KIAA0319: variants seen among roughly 807,000 people sequenced by gnomAD.
KIAA0319 encodes the protein dyslexia-associated protein KIAA0319.
Under a neutral mutation model 108.4 loss-of-function variants are expected in KIAA0319, and 83 were observed. That is an observed-to-expected ratio of 0.77 (90% CI 0.64 to 0.92). The LOEUF (loss-of-function observed/expected upper bound fraction) is 0.92, where lower values mean the gene tolerates loss of function less well. Among genes scored for constraint, KIAA0319 ranks in the 40% least tolerant of loss-of-function variants. The pLI, the probability that KIAA0319 is intolerant of heterozygous loss-of-function variation, is 0.00. For missense variants in KIAA0319, 1,195 were observed against 1,322.4 expected, an observed-to-expected ratio of 0.90 and a Z score of 1.49; for synonymous variants, 484 against 510.4, an observed-to-expected ratio of 0.95 and a Z score of 0.70.
chr6:24,605,061 G>A (rs1043740275), intron 1 of KIAA0319, among the ~76,000 whole-genome samples: 8 of 151,782 alleles, frequency 5.3e-5, no homozygotes, highest in African/African-American at 1.9e-4. Context: ...GGCTGGTCTC[G>A]ATCTCCTGAC....
At position 24,643,558 on chromosome 6, in the gene KIAA0319, T is replaced by C. The variant is rs559474254; in HGVS notation, c.-106+2178A>G. ...CATGATTTTATGATTTTGATTATTA[T>C]ATTTATTATTGTTGCTGTTATAAAG... On this transcript the variant is annotated intron_variant, in intron 1 of 20. Coordinates refer to ENST00000378214, the MANE Select transcript of KIAA0319 (RefSeq NM_014809.4). Among the ~76,000 whole-genome samples the C allele has an allele frequency of 2.6e-5, 4 of 152,344 alleles. No individual in the cohort carries two copies. The East Asian group carries it at 7.7e-4, about 29-fold the overall frequency.
chr6:24,598,742 G>C (rs1250615369), intron 2 of KIAA0319, among the ~76,000 whole-genome samples: 1 of 152,118 alleles, frequency 6.6e-6, no homozygotes, highest in Non-Finnish European at 1.5e-5. Flanking sequence ...TGAGCATAGT[G>C]GTGGGTGCCT....
At chr6:24,642,722 A>ATT (rs34139616) in intron 1 of KIAA0319, among the ~76,000 whole-genome samples, 2 of 148,840 alleles carry the variant, frequency 1.3e-5, no homozygotes, top group African/African-American at 2.5e-5. Flanking sequence ...CCTTTGCTGC[A>ATT]TTTTTTTTTT....
intron 17 of KIAA0319, among the ~76,000 whole-genome samples, chr6:24,557,636 C>T (rs1188855478): frequency 6.6e-6 from 1 of 152,160 alleles, no homozygotes; most frequent in Non-Finnish European, 1.5e-5. Flanking sequence ...TTAAAACCAA[C>T]CCTAAAACCC....
intron 3 of KIAA0319, 31 bp from the exon 4 acceptor site, chr6:24,588,816 A>T (rs781646758): frequency 2.4e-5 from 38 of 1,555,558 alleles, no homozygotes; most frequent in Non-Finnish European, 3.3e-5. Flanking sequence ...ATAAATTGTT[A>T]TTAAAAAAAA....
chr6:24,546,872 G>T lies in KIAA0319; in HGVS notation c.*293C>A. 3.7e-6 allele frequency: 1 copy of T among 269,852 alleles called. No homozygotes were observed. The highest frequency in any genetic ancestry group is 7.1e-6 in the Non-Finnish European group (1 of 140,130). 16.7% of individuals were successfully genotyped at this position (269,852 alleles called of 1,614,324 possible). A position where few individuals can be genotyped will look rare whatever the true frequency, so the allele number is the denominator to read the frequency against. On this transcript the variant is annotated 3_prime_UTR_variant, in exon 21 of 21. Transcript: ENST00000378214. Reference sequence around the variant, plus strand: ...CTCTAAGGTTCTACAGATAGAAATCGTTGTTCATCTTTAATATGAGATTGT... The same window carrying T: ...CTCTAAGGTTCTACAGATAGAAATCTTTGTTCATCTTTAATATGAGATTGT...
rs2127464239 is a variant in KIAA0319, at chr6:24,572,649, T to C, written c.1784A>G (p.Tyr595Cys). ...ATCTGTCACCTTCAGCTGAAATGTA[T>C]AATCTCCTTCCTGCATTGCAGATAA... Reference protein sequence around the residue: ...LHLSAMQEGDYTFQLKVTDSS... With the variant: ...LHLSAMQEGDCTFQLKVTDSS... The change falls in exon 11 of 21, where the codon TAT becomes TGT. Residue 595 changes from tyrosine to cysteine, a missense_variant. Physicochemically the swap from Tyr to Cys is radical, Grantham distance 194 (BLOSUM62 -2). Coordinates refer to ENST00000378214, the MANE Select transcript of KIAA0319 (RefSeq NM_014809.4). 6.2e-7 allele frequency: 1 copy of C among 1,613,996 alleles called. No individual in the cohort carries two copies. Among genetic ancestry groups the C allele is most frequent in the Non-Finnish European group, 8.5e-7 (1 of 1,179,880 alleles).
At chr6:24,605,713 T>TC (rs1771299789) in intron 1 of KIAA0319, among the ~76,000 whole-genome samples, 6 of 152,146 alleles carry the variant, frequency 3.9e-5, no homozygotes, top group Admixed American at 3.9e-4. Flanking sequence ...AAAGGAAATG[T>TC]CCCCCCATGG....
intron 1 of KIAA0319, among the ~76,000 whole-genome samples, chr6:24,631,081 A>G (rs1034619228): frequency 6.6e-6 from 1 of 152,260 alleles, no homozygotes; most frequent in Non-Finnish European, 1.5e-5. Context: ...GAGTGAGGAA[A>G]CTAAGCTGGC....
Position 24,577,978 on chromosome 6 carries a change from C to T in KIAA0319, c.1505+132G>A, listed in dbSNP as rs1765790874. On this transcript the variant is annotated intron_variant, in intron 9 of 20. Transcript: ENST00000378214. ...GGATATCAGAGTCTCCAGCGGCATGCAACCAAAACCCCCATGAAAGCCAAA... is the reference window on the plus strand; with the variant it reads ...GGATATCAGAGTCTCCAGCGGCATGTAACCAAAACCCCCATGAAAGCCAAA... The T allele has an allele frequency of 1.3e-5, 11 of 819,636 alleles. 1 individual carries two copies. The Admixed American group carries it at 1.9e-4, about 14-fold the overall frequency. The allele number at this position is 819,636 out of a possible 1,614,324, so 50.8% of individuals were successfully genotyped here. A position where few individuals can be genotyped will look rare whatever the true frequency, so the allele number is the denominator to read the frequency against.
chr6:24,637,904 G>T (rs1776408039), intron 1 of KIAA0319, among the ~76,000 whole-genome samples: 1 of 152,080 alleles, frequency 6.6e-6, no homozygotes, highest in Admixed American at 6.5e-5. Flanking sequence ...CATAATGTGG[G>T]AGCACAGCTG....
At chr6:24,559,741 T>C (rs1409715880) in intron 16 of KIAA0319, among the ~76,000 whole-genome samples, 1 of 152,200 alleles carries the variant, frequency 6.6e-6, no homozygotes, top group Non-Finnish European at 1.5e-5. Context: ...ATCATAAAAT[T>C]CACGCTTCTA....
At chr6:24,581,980 C>CA (rs1347893426) in intron 6 of KIAA0319, among the ~76,000 whole-genome samples, 1 of 152,090 alleles carries the variant, frequency 6.6e-6, no homozygotes, top group Non-Finnish European at 1.5e-5. Flanking sequence ...CCCACCTCTA[C>CA]AAAAAATACA....
intron 18 of KIAA0319, among the ~76,000 whole-genome samples, chr6:24,555,527 C>T (rs537924765): frequency 7.0e-6 from 1 of 143,026 alleles, no homozygotes; most frequent in African/African-American, 2.5e-5. Context: ...AAAGGTTTAA[C>T]TTTATTAAAT....
intron 9 of KIAA0319, among the ~76,000 whole-genome samples, chr6:24,577,150 T>TCACCTGACATC (rs1423551065): frequency 6.6e-6 from 1 of 152,304 alleles, no homozygotes; most frequent in East Asian, 1.9e-4. Flanking sequence ...TGTCAGAGTT[T>TCACCTGACATC]CACCTTTATG....
chr6:24,592,269 C>T (rs1582111135), intron 3 of KIAA0319, among the ~76,000 whole-genome samples: 1 of 152,224 alleles, frequency 6.6e-6, no homozygotes, highest in African/African-American at 2.4e-5. Flanking sequence ...TGTCCTAACA[C>T]CATTTGTTGA....
rs577636962 is a variant in KIAA0319, at chr6:24,599,543, C to T, written c.55+1506G>A. 3.3e-5 allele frequency: 19 copies of T among 572,930 alleles called. No individual in the cohort carries two copies. The highest frequency in any genetic ancestry group is 1.7e-4 in the East Asian group (4 of 23,824). The allele number at this position is 572,930 out of a possible 1,614,324, so 35.5% of individuals were successfully genotyped here. On this transcript the variant is annotated intron_variant, in intron 2 of 20. Coordinates refer to ENST00000378214, the MANE Select transcript of KIAA0319 (RefSeq NM_014809.4). This position sits in a 1 kb window ranked among gnomAD's most constrained non-coding sequence, Gnocchi z 4.1. ...TCACCTACAGGAAGGTGCTGGAGGG[C>T]GAGGAGAGCTGGCTGGAGTCTGGGA...
chr6:24,565,468 G>A (rs1277211398), intron 14 of KIAA0319, among the ~76,000 whole-genome samples: 3 of 151,270 alleles, frequency 2.0e-5, no homozygotes, highest in East Asian at 2.0e-4. Flanking sequence ...AAATGGATTA[G>A]TTAAGGCTGG....
intron 9 of KIAA0319, among the ~76,000 whole-genome samples, chr6:24,577,133 A>G (rs1765664487): frequency 6.6e-6 from 1 of 152,180 alleles, no homozygotes; most frequent in African/African-American, 2.4e-5. Flanking sequence ...AGTTCATAAC[A>G]TATTGATGTC....
Sources: allele counts gnomAD v4.1 joint callset (sites outside exome capture counted in the v4.1 genomes callset), GRCh38; gene constraint gnomAD v4.1.1; non-coding constraint Gnocchi (gnomAD v3.1); transcripts MANE v1.5; gene names NCBI Gene and HGNC (gene_info 2026-07-23, HGNC 2026-07-21).